LDLRAD4: variants seen among roughly 807,000 people sequenced by gnomAD.
LDLRAD4 encodes the protein low density lipoprotein receptor class A domain containing 4.
Under a neutral mutation model 17.0 loss-of-function variants are expected in LDLRAD4, and 5 were observed. The ratio of observed to expected loss-of-function variants is 0.29; its 90% CI spans 0.15 to 0.62. LDLRAD4 has a LOEUF of 0.62. Ranked by LOEUF, LDLRAD4 falls within the 20% of genes least tolerant of loss-of-function variation. LDLRAD4 has a pLI of 0.84. For synonymous variants in LDLRAD4, 168 were observed against 171.8 expected, an observed-to-expected ratio of 0.98 and a Z score of 0.17; for missense variants, 340 against 424.7, an observed-to-expected ratio of 0.80 and a Z score of 1.75.
intron 3 of LDLRAD4, among the ~76,000 whole-genome samples, chr18:13,512,824 A>G (rs2093803105): frequency 6.6e-6 from 1 of 152,352 alleles, no homozygotes; most frequent in African/African-American, 2.4e-5. Context: ...GTTGGCTGTA[A>G]TATGTTGGGA....
In LDLRAD4 at chr18:13,450,326, AC is replaced by A. The variant is rs397793931; in HGVS notation, c.181+11953del. ...CAGTGCAGTTAGCTTCTCTCCCCCC[AC>A]CCCCCCCCCCAAAAAAACACACAAG... On this transcript the variant is annotated intron_variant, in intron 3 of 5. Transcript: ENST00000359446. Among the ~76,000 whole-genome samples, 123 of 68,090 alleles carry A rather than the reference AC, an allele frequency of 1.8e-3. 1 individual carries two copies. The East Asian group carries it at 0.024, about 13-fold the overall frequency. The allele number at this position is 68,090 out of a possible 152,430, so 44.7% of individuals were successfully genotyped here. A position where few individuals can be genotyped will look rare whatever the true frequency, so the allele number is the denominator to read the frequency against.
Position 13,387,784 on chromosome 18 carries a change from C to T in LDLRAD4, c.40+22C>T, listed in dbSNP as rs372548586. ...ACAGGTGAGCATGCTCCAGGTAATCCGAGGCTTTGCCTCCACTCCTGGGAG... is the reference window on the plus strand; with the variant it reads ...ACAGGTGAGCATGCTCCAGGTAATCTGAGGCTTTGCCTCCACTCCTGGGAG... On this transcript the variant is annotated intron_variant, in intron 2 of 5. Coordinates refer to ENST00000359446, the Ensembl canonical transcript of LDLRAD4. The T allele has an allele frequency of 2.8e-4, 454 of 1,610,966 alleles. 3 individuals carry two copies. Among genetic ancestry groups the T allele is most frequent in the South Asian group, 1.6e-3 (144 of 91,030 alleles).
rs528091875 is a variant in LDLRAD4 at position 13,325,816 on chromosome 18, A to C, written c.-383+47628A>C. Among the ~76,000 whole-genome samples the C allele has an allele frequency of 8.6e-5, 13 of 151,342 alleles. No individual in the cohort carries two copies. In the East Asian group the frequency reaches 2.3e-3, roughly 27 times the overall value. ...CGCCCAGGCTGGAGTGCAGTGGCGC[A>C]ATCTCGGCTCATTGCAAGCTCCCCC... On this transcript the variant is annotated intron_variant, in intron 1 of 5. Transcript: ENST00000359446.
intron 1 of LDLRAD4, among the ~76,000 whole-genome samples, chr18:13,325,524 C>G (rs114178470): frequency 6.6e-6 from 1 of 152,188 alleles, no homozygotes; most frequent in Non-Finnish European, 1.5e-5. Flanking sequence ...CCGCCCACCC[C>G]CTTTAAAGGG....
At chr18:13,361,409 G>A (rs953355886) in intron 1 of LDLRAD4, among the ~76,000 whole-genome samples, 10 of 152,054 alleles carry the variant, frequency 6.6e-5, no homozygotes, top group Non-Finnish European at 1.3e-4. Context: ...TTGGAAGAAG[G>A]GTATATATCT....
chr18:13,275,444 G>A (rs947659354), upstream of LDLRAD4, among the ~76,000 whole-genome samples: 3 of 152,202 alleles, frequency 2.0e-5, no homozygotes, highest in Non-Finnish European at 4.4e-5. Context: ...GAAATTCAGA[G>A]CTATGGGCTC....
chr18:13,228,401 C>T (rs1193910607), intron 1 of LDLRAD4, among the ~76,000 whole-genome samples: 2 of 152,114 alleles, frequency 1.3e-5, no homozygotes, highest in Admixed American at 6.5e-5. Flanking sequence ...CCTGACAAAT[C>T]CACCTTGTGT....
chr18:13,628,958 G>A (rs539821655), intron 4 of LDLRAD4, among the ~76,000 whole-genome samples: 20 of 152,222 alleles, frequency 1.3e-4, no homozygotes, highest in East Asian at 3.9e-4. Flanking sequence ...AGCCTCCTGC[G>A]TAGCTGTGAC....
intron 3 of LDLRAD4, among the ~76,000 whole-genome samples, chr18:13,438,652 C>A (rs1255881676): frequency 6.6e-6 from 1 of 152,238 alleles, no homozygotes; most frequent in Non-Finnish European, 1.5e-5. Flanking sequence ...TCCAGGAAAT[C>A]ATGTATTGAT....
At chr18:13,318,302 C>T (rs2081037982) in intron 1 of LDLRAD4, among the ~76,000 whole-genome samples, 1 of 151,992 alleles carries the variant, frequency 6.6e-6, no homozygotes, top group Admixed American at 6.6e-5. Context: ...CCCTCTGTCG[C>T]CCAGGCTGGA....
At chr18:13,416,656 C>A (rs2088925317) in intron 2 of LDLRAD4, among the ~76,000 whole-genome samples, 1 of 152,164 alleles carries the variant, frequency 6.6e-6, no homozygotes, top group African/African-American at 2.4e-5. Flanking sequence ...TATAGGAATT[C>A]ATTCACTCAT....
At chr18:13,452,713 G>T (rs1463657310) in intron 3 of LDLRAD4, among the ~76,000 whole-genome samples, 1 of 152,194 alleles carries the variant, frequency 6.6e-6, no homozygotes, top group African/African-American at 2.4e-5. Flanking sequence ...CTGCGTGTAT[G>T]AACTTCTCTC....
chr18:13,487,418 A>G (rs1241510711), intron 3 of LDLRAD4: 1 of 151,730 alleles, frequency 6.6e-6, no homozygotes, highest in African/African-American at 2.4e-5. Context: ...GGCTGCTCAA[A>G]GAAGAACAAA....
chr18:13,251,842 T>G (rs892652694), intron 1 of LDLRAD4, among the ~76,000 whole-genome samples: 5 of 152,208 alleles, frequency 3.3e-5, no homozygotes, highest in African/African-American at 1.2e-4. Context: ...GATGATATTC[T>G]TGAAGAAAAA....
At chr18:13,366,177 G>A (rs993202514) in intron 1 of LDLRAD4, 1 of 152,246 alleles carries the variant, frequency 6.6e-6, no homozygotes, top group East Asian at 1.9e-4. Flanking sequence ...GGGCTCAAAT[G>A]ATCCTGCTGC....
chr18:13,236,812 T>A (rs1000936618), intron 1 of LDLRAD4, among the ~76,000 whole-genome samples: 2 of 152,162 alleles, frequency 1.3e-5, no homozygotes, highest in African/African-American at 2.4e-5. Flanking sequence ...GCAGATGTGT[T>A]GACATCTTCC....
chr18:13,303,967 A>G (rs2046759522), intron 1 of LDLRAD4, among the ~76,000 whole-genome samples: 1 of 152,252 alleles, frequency 6.6e-6, no homozygotes, highest in African/African-American at 2.4e-5. Context: ...GTTGGTAGAC[A>G]GTGCAGTTGT....
At chr18:13,318,461 C>T (rs565859350) in intron 1 of LDLRAD4, among the ~76,000 whole-genome samples, 3 of 152,210 alleles carry the variant, frequency 2.0e-5, no homozygotes, top group Admixed American at 2.0e-4. Context: ...GGGGTTTTAC[C>T]ATACTGGTCA....
chr18:13,546,226 G>A (rs916198863), intron 3 of LDLRAD4, among the ~76,000 whole-genome samples: 5 of 152,114 alleles, frequency 3.3e-5, no homozygotes, highest in African/African-American at 1.2e-4. Context: ...CAAGTGGAAG[G>A]TCAAGGGGTA....
Sources: gnomAD v4.1 joint callset for allele counts (sites outside exome capture counted in the v4.1 genomes callset) on GRCh38, gnomAD v4.1.1 for gene constraint, MANE v1.5 for transcripts, NCBI Gene and HGNC (gene_info 2026-07-23, HGNC 2026-07-21) for gene names.